The following CTNNA3 variants were observed in gnomAD, a reference collection of about 807,000 sequenced individuals.
The protein encoded by CTNNA3 is catenin alpha 3.
CTNNA3 carries 76 observed loss-of-function variants against 95.7 expected under a neutral mutation model. The observed-to-expected ratio is 0.79, with a 90% CI of 0.66 to 0.96. CTNNA3 has a LOEUF of 0.96. Ranked by LOEUF, CTNNA3 falls within the 40% of genes least tolerant of loss-of-function variation. The probability of loss-of-function intolerance (pLI) is 0.00; values close to 1 mark genes in which losing one functional copy is unlikely to be tolerated. For synonymous variants in CTNNA3, 431 were observed against 374.4 expected, an observed-to-expected ratio of 1.15 and a Z score of -1.74; for missense variants, 1,191 against 1,089.8, an observed-to-expected ratio of 1.09 and a Z score of -1.31.
At chr10:67,669,145 C>T (rs1245248599) in intron 1 of CTNNA3, among the ~76,000 whole-genome samples, 1 of 152,076 alleles carries the variant, frequency 6.6e-6, no homozygotes, top group African/African-American at 2.4e-5. Flanking sequence ...TTATTATTCC[C>T]CTAAATTACA....
At chr10:67,259,787 C>G (rs1866521135) in intron 5 of CTNNA3, among the ~76,000 whole-genome samples, 1 of 152,130 alleles carries the variant, frequency 6.6e-6, no homozygotes, top group Non-Finnish European at 1.5e-5. Context: ...CTCTCTGATT[C>G]TGCCTCTTTT....
intron 7 of CTNNA3, among the ~76,000 whole-genome samples, chr10:66,981,559 C>T (rs1285792661): frequency 6.6e-6 from 1 of 152,208 alleles, no homozygotes; most frequent in Non-Finnish European, 1.5e-5. Flanking sequence ...TTCCATAGCA[C>T]ATTTTCTTCC....
chr10:66,293,435 G>A (rs1289028758), intron 12 of CTNNA3, among the ~76,000 whole-genome samples: 1 of 150,966 alleles, frequency 6.6e-6, no homozygotes. Flanking sequence ...GTAAAACAGG[G>A]AAAAAAAAGC....
chr10:67,011,477 G>A (rs1177964079), intron 7 of CTNNA3, among the ~76,000 whole-genome samples: 2 of 152,182 alleles, frequency 1.3e-5, no homozygotes, highest in African/African-American at 4.8e-5. Flanking sequence ...GCCAGAAAGT[G>A]CTTTACAGTG....
chr10:66,033,913 G>A (rs187597027), intron 15 of CTNNA3, among the ~76,000 whole-genome samples: 45 of 152,238 alleles, frequency 3.0e-4, no homozygotes, highest in African/African-American at 1.1e-3. Context: ...TCTGGAGCCC[G>A]GCTGCTCGCA....
chr10:66,074,887 T>C (rs2080519375), intron 14 of CTNNA3, among the ~76,000 whole-genome samples: 1 of 151,906 alleles, frequency 6.6e-6, no homozygotes, highest in Non-Finnish European at 1.5e-5. Context: ...TAGGAACATA[T>C]TGCATGATAA....
intron 11 of CTNNA3, among the ~76,000 whole-genome samples, chr10:66,509,275 G>A (rs1024721969): frequency 6.6e-6 from 1 of 151,968 alleles, no homozygotes; most frequent in South Asian, 2.1e-4. Flanking sequence ...TATATATCAT[G>A]GATAGTAGTC....
At chr10:67,186,683 G>A (rs566573781) in intron 6 of CTNNA3, among the ~76,000 whole-genome samples, 70 of 152,282 alleles carry the variant, frequency 4.6e-4, no homozygotes, top group African/African-American at 1.6e-3. Flanking sequence ...TGTTAAAACA[G>A]CATTTCAGTG....
intron 5 of CTNNA3, among the ~76,000 whole-genome samples, chr10:67,228,549 G>A (rs1039276942): frequency 3.3e-5 from 5 of 152,072 alleles, no homozygotes; most frequent in African/African-American, 1.2e-4. Flanking sequence ...GAAGGTGGAA[G>A]TTGCAGTGGG....
chr10:67,757,664 C>T (rs1841441110), intron 1 of CTNNA3, among the ~76,000 whole-genome samples: 2 of 151,866 alleles, frequency 1.3e-5, no homozygotes, highest in African/African-American at 2.4e-5. Context: ...CGGTGGTTTG[C>T]CAGGGGCTCT....
rs138429902 is a variant in CTNNA3, at chr10:67,472,141, T to A, written c.579+49701A>T. Among the ~76,000 whole-genome samples the A allele has an allele frequency of 6.3e-3, 957 of 152,292 alleles. 55 individuals carry two copies. Among genetic ancestry groups the A allele is most frequent in the Admixed American group, 0.057 (867 of 15,286 alleles). ...AAGTTTCACTGCATAGATTCACTCA[T>A]AAAGGAACTCACAAACTTTTGAGAG... On this transcript the variant is annotated intron_variant, in intron 5 of 17. Transcript: ENST00000433211.
intron 17 of CTNNA3, among the ~76,000 whole-genome samples, chr10:65,965,393 CTTTTTTTTTT>C (rs561552884): frequency 1.4e-4 from 11 of 77,650 alleles, no homozygotes; most frequent in East Asian, 1.3e-3. Flanking sequence ...CTCCCCTCTA[CTTTTTTTTTT>C]TTTTTTTTTT....
chr10:66,759,583 A>C (rs1839520184), intron 9 of CTNNA3, among the ~76,000 whole-genome samples: 1 of 152,206 alleles, frequency 6.6e-6, no homozygotes, highest in Non-Finnish European at 1.5e-5. Context: ...GGTCCAGCAC[A>C]GTATATGGTC....
chr10:66,746,447 A>G (rs940566399), intron 9 of CTNNA3, among the ~76,000 whole-genome samples: 19 of 152,246 alleles, frequency 1.2e-4, no homozygotes. Flanking sequence ...ACTGAGATAA[A>G]GCCTGTAACA....
chr10:66,835,123 C>T (rs1842846008), intron 7 of CTNNA3, among the ~76,000 whole-genome samples: 1 of 152,156 alleles, frequency 6.6e-6, no homozygotes, highest in African/African-American at 2.4e-5. Context: ...TGAATAATTT[C>T]TTGACAGTAA....
At position 66,002,819 on chromosome 10, in the gene CTNNA3, G is replaced by C. The variant is rs530098449; in HGVS notation, c.2160-14022C>G. ...CATATTCCAGAAATGAGATACAAAG[G>C]CTCATGTAACTGCAAAGAAAGCTGG... On this transcript the variant is annotated intron_variant, in intron 15 of 17. Coordinates refer to ENST00000433211, the MANE Select transcript of CTNNA3 (RefSeq NM_013266.4). Among the ~76,000 whole-genome samples, 135 of 152,248 alleles carry C rather than the reference G, an allele frequency of 8.9e-4. 1 individual carries two copies. Among genetic ancestry groups the C allele is most frequent in the Non-Finnish European group, 1.7e-3 (114 of 68,014 alleles).
intron 1 of CTNNA3, among the ~76,000 whole-genome samples, chr10:67,760,750 ACTG>A (rs1196051229): frequency 6.6e-6 from 1 of 151,944 alleles, no homozygotes; most frequent in Non-Finnish European, 1.5e-5. Flanking sequence ...CATGAACCCT[ACTG>A]TAAAGTGCAC....
At chr10:66,617,819 C>G (rs1844579965) in intron 10 of CTNNA3, among the ~76,000 whole-genome samples, 3 of 151,900 alleles carry the variant, frequency 2.0e-5, no homozygotes, top group South Asian at 4.2e-4. Context: ...ACCCCACTGT[C>G]TCAGCCCAAA....
At chr10:66,031,545 G>A (rs988679293) in intron 15 of CTNNA3, among the ~76,000 whole-genome samples, 1 of 152,060 alleles carries the variant, frequency 6.6e-6, no homozygotes, top group African/African-American at 2.4e-5. Context: ...AATAGACACT[G>A]GAGCCTCCAA....
Sources: gnomAD v4.1 joint callset for allele counts (sites outside exome capture counted in the v4.1 genomes callset) on GRCh38, gnomAD v4.1.1 for gene constraint, MANE v1.5 for transcripts, NCBI Gene and HGNC (gene_info 2026-07-23, HGNC 2026-07-21) for gene names.